SVIL: variants seen among roughly 807,000 people sequenced by gnomAD.
SVIL encodes supervillin.
SVIL carries 101 observed loss-of-function variants against 240.4 expected under a neutral mutation model. The ratio of observed to expected loss-of-function variants is 0.42; its 90% CI spans 0.36 to 0.50. The LOEUF (loss-of-function observed/expected upper bound fraction) is 0.50. SVIL is among the 20% of genes least tolerant of loss of function. The probability of loss-of-function intolerance (pLI) is 0.01; values close to 1 mark genes in which losing one functional copy is unlikely to be tolerated. For missense variants in SVIL, 2,512 were observed against 2,818.7 expected (o/e 0.89, Z 2.46); for synonymous variants, 999 against 1,100.0 (o/e 0.91, Z 1.82).
intron 1 of SVIL, among the ~76,000 whole-genome samples, chr10:29,622,119 G>C (rs543309946): frequency 7.4e-4 from 111 of 150,942 alleles, no homozygotes; most frequent in Middle Eastern, 6.8e-3. Context: ...GCGTGGTGGC[G>C]GGCGCCTGTA....
Position 29,523,536 on chromosome 10 carries a change from T to G in SVIL, c.3078A>C (p.Gln1026His), listed in dbSNP as rs1335619535. The G allele has an allele frequency of 6.2e-7, 1 of 1,614,230 alleles. No homozygotes were observed. The highest frequency in any genetic ancestry group is 2.2e-5 in the East Asian group (1 of 44,888). ...GCCTGTCCCTCAAGTCCAAGTTTCC[T>G]TGTGCATTCATTTTAGCCATGGAAA... ...KEFSMAKMNAQGNLDLRDRLP... is the reference protein window; with the variant it reads ...KEFSMAKMNAHGNLDLRDRLP... Residue 1026 changes from glutamine (Q) to histidine (H), a missense_variant, in exon 15 of 38, where the codon CAA (glutamine) becomes CAC (histidine). This residue lies in a region of SVIL where 1,443 missense variants were observed against 1,486.6 expected (regional missense o/e 0.97). Transcript: ENST00000355867.
chr10:29,638,433 T>A (rs1440761987), upstream of SVIL, among the ~76,000 whole-genome samples: 1 of 151,342 alleles, frequency 6.6e-6, no homozygotes, highest in Non-Finnish European at 1.5e-5. Context: ...GCCATTGCAC[T>A]CCAGCCTGGG....
At chr10:29,587,856 C>T (rs1203968905) in intron 1 of SVIL, among the ~76,000 whole-genome samples, 3 of 152,118 alleles carry the variant, frequency 2.0e-5, no homozygotes. Context: ...TACACACCAG[C>T]GAAAAGTGGA....
rs181279047 is a variant in SVIL at position 29,733,519 on chromosome 10, G to A, written c.-400+2232C>T. On this transcript the variant is annotated intron_variant, in intron 1 of 35. Coordinates refer to the SVIL transcript ENST00000375400. ...AGGGTCTCACTATGTTGTCCAGGCTGGTCTCAAACTCCTGGCCCCAAGCCA... is the reference window on the plus strand; with the variant it reads ...AGGGTCTCACTATGTTGTCCAGGCTAGTCTCAAACTCCTGGCCCCAAGCCA... 3.2e-3 allele frequency among the ~76,000 whole-genome samples: 484 copies of A among 152,190 alleles called. 1 individual carries two copies. Among genetic ancestry groups the A allele is most frequent in the African/African-American group, 0.011 (467 of 41,526 alleles).
At chr10:29,701,646 T>C (rs1962523906) in intron 1 of SVIL, among the ~76,000 whole-genome samples, 1 of 152,182 alleles carries the variant, frequency 6.6e-6, no homozygotes, top group South Asian at 2.1e-4. Flanking sequence ...TTAAAATAGA[T>C]TCTTCATTTG....
chr10:29,516,262 C>G (rs977657431), intron 16 of SVIL, among the ~76,000 whole-genome samples: 1 of 152,068 alleles, frequency 6.6e-6, no homozygotes, highest in African/African-American at 2.4e-5. Flanking sequence ...TGGGGACTTC[C>G]GAAGACTACA....
rs878955685 is a variant in SVIL, at chr10:29,563,216, C to T, written c.-66G>A. 2.0e-6 allele frequency: 2 copies of T among 984,042 alleles called. No individual in the cohort carries two copies. Among genetic ancestry groups the T allele is most frequent in the East Asian group, 1.1e-4 (1 of 8,802 alleles). The allele number at this position is 984,042 out of a possible 1,614,324, so 61.0% of individuals were successfully genotyped here. On this transcript the variant is annotated 5_prime_UTR_variant, in exon 3 of 38. It removes the in-frame stop codon of an upstream open reading frame in the 5' UTR. Transcript: ENST00000355867. Reference sequence around the variant, plus strand: ...ACAGCCTTACCTTTAGGAAGTGCAACTAAAAGCTGAGCATCGATTCCTCTT... The same window carrying T: ...ACAGCCTTACCTTTAGGAAGTGCAATTAAAAGCTGAGCATCGATTCCTCTT...
intron 6 of SVIL, among the ~76,000 whole-genome samples, chr10:29,550,263 C>A (rs1364331870): frequency 1.7e-5 from 2 of 120,880 alleles, no homozygotes; most frequent in Non-Finnish European, 3.4e-5. Context: ...GGAGGGAGAC[C>A]CTGTCTCTAC....
At chr10:29,651,264 G>A (rs1958826077) in intron 3 of SVIL, among the ~76,000 whole-genome samples, 1 of 152,160 alleles carries the variant, frequency 6.6e-6, no homozygotes, top group Non-Finnish European at 1.5e-5. Flanking sequence ...TTTCAGCAGA[G>A]CAGGTAAAGA....
At chr10:29,462,999 A>G (rs752797439) in intron 35 of SVIL, among the ~76,000 whole-genome samples, 1 of 152,236 alleles carries the variant, frequency 6.6e-6, no homozygotes, top group Non-Finnish European at 1.5e-5. Context: ...GTAAAGAACC[A>G]TGAACTTACT....
In SVIL at chr10:29,687,999, C is replaced by T. The variant is rs78503239; in HGVS notation, c.-399-1348G>A. 3.8e-3 allele frequency among the ~76,000 whole-genome samples: 581 copies of T among 152,244 alleles called. 12 individuals are homozygous for T. The highest frequency in any genetic ancestry group is 0.027 in the Admixed American group (412 of 15,288). The stretch of plus-strand genomic sequence containing the variant: ...GGTAAGCCATGAGAAACAAGCATTG[C>T]AAATAGTTCACACACATATGCAGAA... On this transcript the variant is annotated intron_variant, in intron 1 of 35. Transcript: ENST00000375400.
intron 3 of SVIL, among the ~76,000 whole-genome samples, chr10:29,641,842 A>T (rs1471481277): frequency 6.6e-6 from 1 of 152,234 alleles, no homozygotes; most frequent in Non-Finnish European, 1.5e-5. Context: ...TACCAGCACC[A>T]CATTTAGATA....
At chr10:29,636,482 G>A (rs1015437463), upstream of SVIL, among the ~76,000 whole-genome samples, 1 of 152,142 alleles carries the variant, frequency 6.6e-6, no homozygotes, top group African/African-American at 2.4e-5. Context: ...TTTGCACACT[G>A]CTTCCCCATA....
At chr10:29,732,059 G>C (rs1964653901) in intron 1 of SVIL, among the ~76,000 whole-genome samples, 1 of 152,226 alleles carries the variant, frequency 6.6e-6, no homozygotes, top group South Asian at 2.1e-4. Flanking sequence ...GCTACAAATG[G>C]AGTGAAATGC....
At chr10:29,552,174 T>G (rs1409017448) in intron 5 of SVIL, among the ~76,000 whole-genome samples, 2 of 152,026 alleles carry the variant, frequency 1.3e-5, no homozygotes, top group Admixed American at 1.3e-4. Flanking sequence ...CTAATAACAT[T>G]TTTATATATT....
At chr10:29,669,652 A>C (rs1170548348) in intron 2 of SVIL, among the ~76,000 whole-genome samples, 1 of 152,188 alleles carries the variant, frequency 6.6e-6, no homozygotes, top group African/African-American at 2.4e-5. Flanking sequence ...CTGGGCTGGG[A>C]GGTCACAGTG....
Position 29,481,710 on chromosome 10 carries a change from G to A in SVIL, c.4974C>T (p.Pro1658=), listed in dbSNP as rs768294330. ...TAAGTCTCCCAAATATCGCCCAGTCGGGCCGCCCCTGTCCTTTTCTGTAGG... is the reference window on the plus strand; with the variant it reads ...TAAGTCTCCCAAATATCGCCCAGTCAGGCCGCCCCTGTCCTTTTCTGTAGG... The part of the protein sequence containing the change: ...PLIPRKGQGR[P]DWAIFGRLTE... Residue 1658 remains proline (P), a synonymous_variant, in exon 28 of 38, where the codon CCC becomes CCT. Coordinates refer to ENST00000355867, the MANE Select transcript of SVIL (RefSeq NM_021738.3). 178 of 1,613,914 alleles carry A rather than the reference G, an allele frequency of 1.1e-4. No individual in the cohort carries two copies. Among genetic ancestry groups the A allele is most frequent in the East Asian group, 4.5e-5 (2 of 44,888 alleles).
intron 5 of SVIL, among the ~76,000 whole-genome samples, chr10:29,553,824 T>C (rs1391381546): frequency 6.6e-6 from 1 of 152,202 alleles, no homozygotes; most frequent in Non-Finnish European, 1.5e-5. Flanking sequence ...ATAACTTAGA[T>C]AGAAAGTTTT....
intron 20 of SVIL, among the ~76,000 whole-genome samples, chr10:29,493,621 T>C (rs1948166470): frequency 6.6e-6 from 1 of 152,072 alleles, no homozygotes; most frequent in African/African-American, 2.4e-5. Context: ...AGGCTGACCA[T>C]ACTGCACACA....
Sources: allele counts gnomAD v4.1 joint callset (sites outside exome capture counted in the v4.1 genomes callset), GRCh38; gene constraint gnomAD v4.1.1; regional missense constraint gnomAD v4.1.1; transcripts MANE v1.5; gene names NCBI Gene and HGNC (gene_info 2026-07-23, HGNC 2026-07-21).